Variants in MAF observed in about 807,000 individuals in gnomAD.
MAF encodes the protein MAF bZIP transcription factor, also known as transcription factor Maf.
A neutral mutation model predicts 22.0 loss-of-function variants in MAF; 10 were observed. That is an observed-to-expected ratio of 0.45 (90% CI 0.28 to 0.77). The LOEUF (loss-of-function observed/expected upper bound fraction) is 0.77, where lower values mean the gene tolerates loss of function less well. Ranked by LOEUF, MAF falls within the 30% of genes least tolerant of loss-of-function variation. The probability of loss-of-function intolerance (pLI) is 0.12; values close to 1 mark genes in which losing one functional copy is unlikely to be tolerated. For synonymous variants in MAF, 337 were observed against 255.8 expected, an observed-to-expected ratio of 1.32 and a Z score of -3.03; for missense variants, 544 against 548.4, an observed-to-expected ratio of 0.99 and a Z score of 0.08.
At chr16:79,319,028 C>T in the MAF span, among the ~76,000 whole-genome samples, 1 of 152,026 alleles carries the variant, frequency 6.6e-6, no homozygotes, top group Non-Finnish European at 1.5e-5. Flanking sequence ...GCAAGGAAAA[C>T]CGGAAAATTC....
the MAF span, among the ~76,000 whole-genome samples, chr16:79,492,945 T>G: frequency 6.7e-6 from 1 of 148,986 alleles, no homozygotes; most frequent in Non-Finnish European, 1.5e-5. Flanking sequence ...AGGTGCTGGT[T>G]ACATGGATGT....
the MAF span, among the ~76,000 whole-genome samples, chr16:79,337,795 G>T: frequency 6.6e-6 from 1 of 152,156 alleles, no homozygotes; most frequent in Non-Finnish European, 1.5e-5. Flanking sequence ...ACAGTGCTCT[G>T]TAAACTATAA....
chr16:79,336,279 C>T, the MAF span, among the ~76,000 whole-genome samples: 3 of 152,228 alleles, frequency 2.0e-5, no homozygotes, highest in Admixed American at 2.0e-4. Flanking sequence ...TTGAGCTTCA[C>T]AACCAACGCA....
chr16:79,281,658 CCTT>C, the MAF span, among the ~76,000 whole-genome samples: 1 of 150,548 alleles, frequency 6.6e-6, no homozygotes, highest in Non-Finnish European at 1.5e-5. Flanking sequence ...AAGCGATTCT[CCTT>C]CTTCAGCCTC....
At chr16:79,570,379 C>G in the MAF span, among the ~76,000 whole-genome samples, 1 of 152,196 alleles carries the variant, frequency 6.6e-6, no homozygotes, top group African/African-American at 2.4e-5. Context: ...CTTATTAACC[C>G]AGCCATGTTC....
At chr16:79,337,210 C>T in the MAF span, among the ~76,000 whole-genome samples, 1 of 152,138 alleles carries the variant, frequency 6.6e-6, no homozygotes, top group Non-Finnish European at 1.5e-5. Flanking sequence ...ACCGTGGCCT[C>T]CTTCACAATC....
At chr16:79,236,363 C>G in the MAF span, among the ~76,000 whole-genome samples, 1 of 151,922 alleles carries the variant, frequency 6.6e-6, no homozygotes, top group South Asian at 2.1e-4. Flanking sequence ...GAGGGGAGCT[C>G]CTGTACGTCC....
chr16:79,534,576 G>A, the MAF span, among the ~76,000 whole-genome samples: 2 of 151,684 alleles, frequency 1.3e-5, no homozygotes, highest in South Asian at 2.1e-4. Context: ...ATCACACACC[G>A]GGGCCTGTCA....
At chr16:79,252,041 A>T in the MAF span, among the ~76,000 whole-genome samples, 1 of 152,266 alleles carries the variant, frequency 6.6e-6, no homozygotes, top group African/African-American at 2.4e-5. Flanking sequence ...TTGGAAACCC[A>T]CTGGTCTATG....
the MAF span, among the ~76,000 whole-genome samples, chr16:79,552,423 G>A: frequency 1.9e-4 from 29 of 152,118 alleles, no homozygotes; most frequent in Admixed American, 7.2e-4. Context: ...TGCCCCAGCT[G>A]GTCTTGAACT....
At chr16:79,523,481 T>C in the MAF span, among the ~76,000 whole-genome samples, 1 of 152,262 alleles carries the variant, frequency 6.6e-6, no homozygotes, top group Non-Finnish European at 1.5e-5. Context: ...TTCATTCATT[T>C]GTTCACTCAT....
the MAF span, among the ~76,000 whole-genome samples, chr16:79,463,015 T>C: frequency 1.3e-5 from 2 of 152,162 alleles, no homozygotes; most frequent in Non-Finnish European, 2.9e-5. Context: ...AGGCCCACTC[T>C]AGGGAGTGAA....
chr16:79,280,286 T>C, the MAF span, among the ~76,000 whole-genome samples: 2 of 152,250 alleles, frequency 1.3e-5, no homozygotes, highest in Admixed American at 6.5e-5. Context: ...AAGAGAGGTC[T>C]GGGGCAGACT....
chr16:79,574,950 G>T, the MAF span, among the ~76,000 whole-genome samples: 2 of 151,898 alleles, frequency 1.3e-5, no homozygotes, highest in Admixed American at 6.6e-5. Flanking sequence ...CTGGGTTTCA[G>T]TAGATAACTG....
the MAF span, among the ~76,000 whole-genome samples, chr16:79,339,060 T>C: frequency 1.1e-4 from 16 of 151,928 alleles, no homozygotes; most frequent in Non-Finnish European, 1.8e-4. Context: ...TATTTTTATT[T>C]TTTATTTTTT....
the MAF span, among the ~76,000 whole-genome samples, chr16:79,451,075 T>G: frequency 6.6e-6 from 1 of 152,156 alleles, no homozygotes; most frequent in Non-Finnish European, 1.5e-5. Flanking sequence ...CTTTTTATTG[T>G]AATTATAGTA....
At chr16:79,210,650 T>A in the MAF span, among the ~76,000 whole-genome samples, 2 of 152,262 alleles carry the variant, frequency 1.3e-5, no homozygotes, top group East Asian at 1.9e-4. Flanking sequence ...AGATAAACTG[T>A]ATTGGTTTTA....
At chr16:79,428,185 T>C in the MAF span, among the ~76,000 whole-genome samples, 2,851 of 142,334 alleles carry the variant, frequency 0.02, 87 homozygotes, top group African/African-American at 0.07. Context: ...CTAAGTGAAA[T>C]AGATGGAGTG....
chr16:79,594,750 A>G (rs1447492495), intron 1 of MAF, 197 bp from the exon 2 acceptor site: 1 of 1,376,572 alleles, frequency 7.3e-7, no homozygotes, highest in East Asian at 2.7e-5. Flanking sequence ...CTCCCACTAT[A>G]CTTCAAAGTT....
Sources: allele counts gnomAD v4.1 joint callset (sites outside exome capture counted in the v4.1 genomes callset), GRCh38; gene constraint gnomAD v4.1.1; transcripts MANE v1.5; gene names NCBI Gene and HGNC (gene_info 2026-07-23, HGNC 2026-07-21).